Variants in CNNM3 observed in about 807,000 individuals in gnomAD.
CNNM3 encodes the protein cyclin and CBS domain divalent metal cation transport mediator 3, also known as metal transporter CNNM3.
CNNM3 carries 47 observed loss-of-function variants against 57.1 expected under a neutral mutation model. The ratio of observed to expected loss-of-function variants is 0.82; its 90% confidence interval spans 0.65 to 1.05. The LOEUF (loss-of-function observed/expected upper bound fraction) is 1.05. CNNM3 is among the 50% of genes least tolerant of loss of function. The pLI is 0.00. For synonymous variants in CNNM3, 507 were observed against 478.2 expected, an observed-to-expected ratio of 1.06 and a Z score of -0.79; for missense variants, 957 against 973.7, an observed-to-expected ratio of 0.98 and a Z score of 0.23.
intron 7 of CNNM3, among the ~76,000 whole-genome samples, chr2:96,831,771 TGCTGTGCTCCTG>T (rs1195633696): frequency 6.6e-6 from 1 of 152,240 alleles, no homozygotes; most frequent in African/African-American, 2.4e-5. Flanking sequence ...CAGCCCTCCA[TGCTGTGCTCCTG>T]GCTTTCTCTG....
intron 2 of CNNM3, 111 bp from the exon 3 acceptor site, chr2:96,826,719 CCAT>C: frequency 7.9e-7 from 1 of 1,272,894 alleles, no homozygotes; most frequent in Non-Finnish European, 1.1e-6. Context: ...CGATGCTGCT[CCAT>C]CGAGGACCCC....
rs774682167 is a variant in CNNM3, at chr2:96,828,580, G to A, written c.1800G>A (p.Pro600=). The A allele has an allele frequency of 6.2e-6, 10 of 1,614,010 alleles. No homozygotes were observed. The highest frequency in any genetic ancestry group is 2.2e-5 in the East Asian group (1 of 44,886). ...LTVPSSVHQS[P]VSSLQPIRHD... ...TTCCTTTGATAGTTCACCAGTCCCCGGTGTCCTCGCTCCAGCCCATCCGCC... is the reference window on the plus strand; with the variant it reads ...TTCCTTTGATAGTTCACCAGTCCCCAGTGTCCTCGCTCCAGCCCATCCGCC... The change falls in exon 6 of 8, where the codon CCG becomes CCA. Residue 600 remains proline (P), a synonymous_variant. Coordinates refer to ENST00000305510, the MANE Select transcript of CNNM3 (RefSeq NM_017623.5).
rs2079559636 is a variant in CNNM3 at position 96,829,138 on chromosome 2, A to G, written c.2059+4A>G. On this transcript the variant is annotated splice_donor_region_variant and intron_variant, in intron 7 of 7. Transcript: ENST00000305510. Reference sequence around the variant, plus strand: ...GAGAAGACCACCACAGCGGCAGGTGAGTGCCAAGTGGTACATCGTGCATGG... The same window carrying G: ...GAGAAGACCACCACAGCGGCAGGTGGGTGCCAAGTGGTACATCGTGCATGG... 1 of 1,613,726 alleles carries G rather than the reference A, an allele frequency of 6.2e-7. No homozygotes were observed. The highest frequency in any genetic ancestry group is 8.5e-7 in the Non-Finnish European group (1 of 1,179,942).
chr2:96,829,073 C>A lies in CNNM3; in HGVS notation c.1998C>A (p.Asp666Glu), dbSNP rs2079558709. The A allele has an allele frequency of 6.2e-7, 1 of 1,613,916 alleles. No homozygotes were observed. ...QNLPQSPENT[D>E]LQVIPGSQTR... ...TGCCACAGTCCCCTGAGAACACCGA[C>A]CTGCAGGTTATTCCAGGCAGCCAGA... The change falls in exon 7 of 8, where the codon GAC becomes GAA. Residue 666 changes from aspartate to glutamate, a missense_variant. Transcript: ENST00000305510.
chr2:96,828,668 G>C lies in CNNM3; in HGVS notation c.1888G>C (p.Val630Leu), dbSNP rs754286149. 69 of 1,614,054 alleles carry C rather than the reference G, an allele frequency of 4.3e-5. 1 individual carries two copies. Among genetic ancestry groups the C allele is most frequent in the South Asian group, 3.1e-4 (28 of 91,092 alleles). Residue 630 changes from valine (V) to leucine (L), a missense_variant, in exon 6 of 8, where the codon GTG becomes CTG. Physicochemically the swap from Val to Leu is conservative, Grantham distance 32. Coordinates refer to ENST00000305510, the MANE Select transcript of CNNM3 (RefSeq NM_017623.5). ...HSSAYCPDYT[V>L]RALSDLQLIK... ...ATCTGCGTATTGTCCCGACTACACC[G>C]TGAGGGCGCTCTCTGATCTGCAGCT... is the stretch of plus-strand genomic sequence containing the variant.
At position 96,829,326 on chromosome 2, in the gene CNNM3, T is replaced by G. The variant is rs13402074; in HGVS notation, c.2059+192T>G. 3,018 of 594,204 alleles carry G rather than the reference T, an allele frequency of 5.1e-3. 81 individuals carry two copies. The African/African-American group carries it at 0.057, about 11-fold the overall frequency. 36.8% of individuals were successfully genotyped at this position (594,204 alleles called of 1,614,324 possible). On this transcript the variant is annotated intron_variant, in intron 7 of 7. Coordinates refer to ENST00000305510, the MANE Select transcript of CNNM3 (RefSeq NM_017623.5). Reference sequence around the variant, plus strand: ...TTTTTTTTTTGAGATGGAGTCTTACTCTGTTGCTCTGTTGCCCAGGCTGGA... The same window carrying G: ...TTTTTTTTTTGAGATGGAGTCTTACGCTGTTGCTCTGTTGCCCAGGCTGGA...
At chr2:96,821,486 G>C (rs1340908535) in intron 1 of CNNM3, among the ~76,000 whole-genome samples, 1 of 152,102 alleles carries the variant, frequency 6.6e-6, no homozygotes, top group African/African-American at 2.4e-5. Context: ...TTTGTAGTCT[G>C]GGGGCAAGGT....
At chr2:96,836,088 C>CCCT (rs1553484522), downstream of CNNM3, among the ~76,000 whole-genome samples, 15 of 143,548 alleles carry the variant, frequency 1.0e-4, no homozygotes, top group South Asian at 2.2e-4. Flanking sequence ...CCCTCCCCCC[C>CCCT]TTTTTTTTTT....
At chr2:96,832,227 G>A (rs1323780040) in intron 7 of CNNM3, 2 of 985,234 alleles carry the variant, frequency 2.0e-6, no homozygotes, top group Admixed American at 6.2e-5. Flanking sequence ...GAGGGGTCAT[G>A]AGACTCCTCC....
At chr2:96,829,610 C>CT (rs11447794) in intron 7 of CNNM3, among the ~76,000 whole-genome samples, 23,692 of 143,488 alleles carry the variant, frequency 0.17, 5,660 homozygotes, top group African/African-American at 0.53. Context: ...CCCCTTCTTG[C>CT]TTTTTTTTTT....
intron 1 of CNNM3, among the ~76,000 whole-genome samples, chr2:96,819,684 A>C (rs1559007458): frequency 1.3e-5 from 2 of 152,100 alleles, no homozygotes; most frequent in East Asian, 3.9e-4. Flanking sequence ...CTTTAAGAAA[A>C]AGCTCACTCT....
At chr2:96,828,536 C>T in intron 5 of CNNM3, 31 bp from the exon 6 acceptor site, 1 of 1,613,644 alleles carries the variant, frequency 6.2e-7, no homozygotes. Context: ...GCCAGCATGG[C>T]TCCTGCCATC....
chr2:96,817,620 C>G, intron 1 of CNNM3, 118 bp downstream of exon 1: 1 of 947,604 alleles, frequency 1.1e-6, no homozygotes, highest in Non-Finnish European at 1.6e-6. Context: ...GCAGTGAGAC[C>G]TCTAAGGTCC....
chr2:96,827,865 A>G lies in CNNM3; in HGVS notation c.1654A>G (p.Ser552Gly). The part of the protein sequence containing the change: ...LATHHYLYQR[S>G]QPVDYFILIL... ...CACACACCACTACCTGTACCAGCGC[A>G]GCCAGCCGGTGGATTACTTCATTCT... Residue 552 changes from serine to glycine, a missense_variant, in exon 4 of 8, where the codon AGC becomes GGC. Transcript: ENST00000305510. 6.2e-7 allele frequency: 1 copy of G among 1,613,904 alleles called. No homozygotes were observed. The highest frequency in any genetic ancestry group is 1.1e-5 in the South Asian group (1 of 91,078).
chr2:96,826,981 A>G lies in CNNM3; in HGVS notation c.1518A>G (p.Arg506=). 1 of 1,613,756 alleles carries G rather than the reference A, an allele frequency of 6.2e-7. No individual in the cohort carries two copies. The highest frequency in any genetic ancestry group is 8.5e-7 in the Non-Finnish European group (1 of 1,179,820). The change falls in exon 3 of 8, where the codon CGA becomes CGG. Residue 506 remains arginine, a splice_region_variant and synonymous_variant. Coordinates refer to ENST00000305510, the MANE Select transcript of CNNM3 (RefSeq NM_017623.5). ...LLLATQRFLS[R]EVDVFSPLRI... ...TGGCCACCCAGCGCTTCCTGTCCCG[A>G]GGTGAGGCGGGAGGGTGGTCCATGC...
At chr2:96,826,761 G>A in intron 2 of CNNM3, 72 bp from the exon 3 acceptor site, 1 of 1,560,352 alleles carries the variant, frequency 6.4e-7, no homozygotes, top group Admixed American at 1.7e-5. Context: ...AGCAGGCGAT[G>A]CAGCCCCTTA....
At position 96,834,808 on chromosome 2, in the gene CNNM3, GC is replaced by G. The variant is rs2079664426; in HGVS notation, c.*2194del. On this transcript the variant is annotated 3_prime_UTR_variant, in exon 8 of 8. Transcript: ENST00000305510. Reference sequence around the variant, plus strand: ...CCAATGTCCCTTTTCTGCTGCAGCAGCCAATCCAGGATGCCATACTGCACTT... The same window carrying G: ...CCAATGTCCCTTTTCTGCTGCAGCAGCAATCCAGGATGCCATACTGCACTT... Among the ~76,000 whole-genome samples the G allele has an allele frequency of 6.6e-6, 1 of 152,160 alleles. No individual in the cohort carries two copies. Among genetic ancestry groups the G allele is most frequent in the Non-Finnish European group, 1.5e-5 (1 of 68,040 alleles).
chr2:96,830,734 G>C (rs923906744), intron 7 of CNNM3, among the ~76,000 whole-genome samples: 3 of 152,160 alleles, frequency 2.0e-5, no homozygotes, highest in African/African-American at 4.8e-5. Flanking sequence ...TTGCCATGGT[G>C]CCCAGGCTGG....
At chr2:96,826,539 C>T (rs2079508097) in intron 2 of CNNM3, among the ~76,000 whole-genome samples, 1 of 152,204 alleles carries the variant, frequency 6.6e-6, no homozygotes, top group Admixed American at 6.5e-5. Flanking sequence ...TTTTAGTCTA[C>T]ATCCAGTGAC....
Sources: allele counts gnomAD v4.1 joint callset (sites outside exome capture counted in the v4.1 genomes callset), GRCh38; gene constraint gnomAD v4.1.1; transcripts MANE v1.5; gene names NCBI Gene and HGNC (gene_info 2026-07-23, HGNC 2026-07-21).